The following ASB3 variants were observed in gnomAD, a reference collection of about 807,000 sequenced individuals.
The protein encoded by ASB3 is ankyrin repeat and SOCS box containing 3, also known as ankyrin repeat and SOCS box protein 3.
In ASB3, 41 loss-of-function variants were observed where a neutral mutation model predicts 54.5. That is an observed-to-expected ratio of 0.75 (90% CI 0.59 to 0.98). The LOEUF is 0.98. Ranked by LOEUF, ASB3 falls within the 50% of genes least tolerant of loss-of-function variation. The pLI is 0.00. For missense variants in ASB3, 733 were observed against 620.0 expected (o/e 1.18, Z -1.94); for synonymous variants, 266 against 221.2 (o/e 1.20, Z -1.80).
At chr2:53,748,806 C>G (rs145364750) in intron 3 of ASB3, among the ~76,000 whole-genome samples, 1 of 151,930 alleles carries the variant, frequency 6.6e-6, no homozygotes, top group Non-Finnish European at 1.5e-5. Context: ...CATCACGGAC[C>G]AAAATCTTTT....
intron 1 of ASB3, among the ~76,000 whole-genome samples, chr2:53,785,760 TG>T (rs1346729508): frequency 2.0e-5 from 3 of 152,226 alleles, no homozygotes; most frequent in Non-Finnish European, 4.4e-5. Context: ...GAGAATCCCT[TG>T]AACTCCAGAG....
At chr2:53,710,362 A>G (rs1670026342) in intron 7 of ASB3, among the ~76,000 whole-genome samples, 1 of 152,192 alleles carries the variant, frequency 6.6e-6, no homozygotes, top group Non-Finnish European at 1.5e-5. Flanking sequence ...TATAGTTTCT[A>G]CTACTCAGCT....
chr2:53,740,572 A>G (rs910428358), intron 3 of ASB3, among the ~76,000 whole-genome samples: 1 of 152,234 alleles, frequency 6.6e-6, no homozygotes. Context: ...AAATTATACT[A>G]AAAAGTTATA....
intron 5 of ASB3, among the ~76,000 whole-genome samples, 174 bp from the exon 6 acceptor site, chr2:53,716,917 A>G (rs1300355499): frequency 6.6e-6 from 1 of 152,166 alleles, no homozygotes; most frequent in Non-Finnish European, 1.5e-5. Context: ...CTTGGTAATC[A>G]TTTAAATTGT....
intron 5 of ASB3, among the ~76,000 whole-genome samples, chr2:53,724,736 A>G (rs143982071): frequency 1.3e-5 from 2 of 152,334 alleles, no homozygotes; most frequent in East Asian, 3.9e-4. Context: ...ACAATGAGAT[A>G]TAATCTTATA....
chr2:53,738,029 T>C (rs771543898), intron 3 of ASB3, among the ~76,000 whole-genome samples: 34 of 152,212 alleles, frequency 2.2e-4, no homozygotes, highest in Admixed American at 6.5e-4. Context: ...CTTCATATAC[T>C]GTGTACCTCT....
chr2:53,722,052 C>T (rs1461140171), intron 5 of ASB3, among the ~76,000 whole-genome samples: 1 of 151,936 alleles, frequency 6.6e-6, no homozygotes, highest in East Asian at 1.9e-4. Context: ...GAGACTATTA[C>T]GAACACCTCA....
intron 3 of ASB3, among the ~76,000 whole-genome samples, chr2:53,740,747 A>G (rs1027276910): frequency 3.3e-5 from 5 of 152,188 alleles, no homozygotes; most frequent in Non-Finnish European, 5.9e-5. Context: ...TATCACTGAC[A>G]TTTCTCATGG....
chr2:53,716,496 C>T, intron 6 of ASB3, 70 bp downstream of exon 6: 1 of 1,557,794 alleles, frequency 6.4e-7, no homozygotes, highest in Admixed American at 1.8e-5. Flanking sequence ...GGTGAAGGGT[C>T]TAGCCCAGAT....
Position 53,689,106 on chromosome 2 carries a change from C to T in ASB3, c.1369+4778G>A, listed in dbSNP as rs116875048. Among the ~76,000 whole-genome samples, 44 of 150,572 alleles carry T rather than the reference C, an allele frequency of 2.9e-4. No homozygotes were observed. The East Asian group carries it at 6.9e-3, about 23-fold the overall frequency. On this transcript the variant is annotated intron_variant, in intron 9 of 9. Transcript: ENST00000263634. ...ATGAAATTTTAAAGAGGGTCTAGTGCTATATTAAGAGTTAAAAAAGATAAA... is the reference window on the plus strand; with the variant it reads ...ATGAAATTTTAAAGAGGGTCTAGTGTTATATTAAGAGTTAAAAAAGATAAA...
In ASB3 at chr2:53,740,194, G is replaced by C. The variant is rs116583706; in HGVS notation, c.355+10589C>G. Among the ~76,000 whole-genome samples, 653 of 152,160 alleles carry C rather than the reference G, an allele frequency of 4.3e-3. 7 individuals carry two copies. Among genetic ancestry groups the C allele is most frequent in the African/African-American group, 0.015 (625 of 41,502 alleles). On this transcript the variant is annotated intron_variant, in intron 3 of 9. Transcript: ENST00000263634. ...CTTTTTTGAGTTCTACATGTACTCT[G>C]TTCTCCATTATGCATTTCATTTTTC... is the stretch of plus-strand genomic sequence containing the variant.
intron 3 of ASB3, among the ~76,000 whole-genome samples, chr2:53,732,208 G>A (rs1004125090): frequency 2.6e-5 from 4 of 151,850 alleles, no homozygotes; most frequent in South Asian, 2.1e-4. Context: ...ATCCACCTCC[G>A]CCTCAGCCTC....
At chr2:53,757,504 C>T (rs1049652708) in intron 2 of ASB3, among the ~76,000 whole-genome samples, 2 of 152,206 alleles carry the variant, frequency 1.3e-5, no homozygotes, top group African/African-American at 2.4e-5. Context: ...TCCTGGGTCC[C>T]GACCATGACT....
chr2:53,748,739 C>T (rs1011727970), intron 3 of ASB3, among the ~76,000 whole-genome samples: 3 of 151,948 alleles, frequency 2.0e-5, no homozygotes, highest in Non-Finnish European at 4.4e-5. Context: ...AAAACTGTTC[C>T]AAATTAAAGG....
rs547568415 is a variant in ASB3 at position 53,731,816 on chromosome 2, C to T, written c.356-2246G>A. ...TACAGGCACCCGCAATCATGCTCGG[C>T]TACTTTTTGGTATTTTTGTAGAGAT... On this transcript the variant is annotated intron_variant, in intron 3 of 9. Transcript: ENST00000263634. 2.6e-5 allele frequency among the ~76,000 whole-genome samples: 4 copies of T among 152,034 alleles called. No individual in the cohort carries two copies. The South Asian group carries it at 8.3e-4, about 32-fold the overall frequency.
intron 9 of ASB3, among the ~76,000 whole-genome samples, chr2:53,671,362 G>GTGTGTC (rs1328904647): frequency 2.8e-5 from 4 of 145,430 alleles, no homozygotes; most frequent in Non-Finnish European, 3.0e-5. Flanking sequence ...GCGTGTGTGT[G>GTGTGTC]TGTGTGTGTG....
At chr2:53,728,157 G>C (rs1256600815) in intron 5 of ASB3, among the ~76,000 whole-genome samples, 1 of 152,008 alleles carries the variant, frequency 6.6e-6, no homozygotes, top group Non-Finnish European at 1.5e-5. Flanking sequence ...AACATTTCTG[G>C]TCACAAAATT....
intron 7 of ASB3, among the ~76,000 whole-genome samples, chr2:53,707,589 G>A (rs1252361529): frequency 6.6e-6 from 1 of 151,532 alleles, no homozygotes; most frequent in East Asian, 1.9e-4. Flanking sequence ...AGAGCTTGCA[G>A]TGAGCTGAGA....
intron 7 of ASB3, among the ~76,000 whole-genome samples, chr2:53,701,684 T>C (rs185741558): frequency 8.5e-5 from 13 of 152,340 alleles, no homozygotes; most frequent in Admixed American, 3.3e-4. Context: ...GATGAATGTA[T>C]TTTTAAACAA....
Sources: gnomAD v4.1 joint callset for allele counts (sites outside exome capture counted in the v4.1 genomes callset) on GRCh38, gnomAD v4.1.1 for gene constraint, MANE v1.5 for transcripts, NCBI Gene and HGNC (gene_info 2026-07-23, HGNC 2026-07-21) for gene names.